The following SHISA6 variants were observed in gnomAD, a reference collection of about 807,000 sequenced individuals.
SHISA6 encodes the protein shisa family member 6, also known as protein shisa-6.
In SHISA6, 22 loss-of-function variants were observed where a neutral mutation model predicts 47.9. The observed-to-expected ratio is 0.46, with a 90% CI of 0.33 to 0.66. The LOEUF is 0.66. Ranked by LOEUF, SHISA6 falls within the 30% of genes least tolerant of loss-of-function variation. The probability of loss-of-function intolerance (pLI) is 0.02; values close to 1 mark genes in which losing one functional copy is unlikely to be tolerated. For synonymous variants in SHISA6, 388 were observed against 337.8 expected (o/e 1.15, Z -1.63); for missense variants, 680 against 764.6 (o/e 0.89, Z 1.30).
intron 3 of SHISA6, among the ~76,000 whole-genome samples, chr17:11,448,959 G>T (rs1451035484): frequency 6.6e-6 from 1 of 152,120 alleles, no homozygotes; most frequent in African/African-American, 2.4e-5. Flanking sequence ...TACTCCCTAA[G>T]TAAAAGTTTT....
At chr17:11,541,336 T>C (rs1021732080) in intron 3 of SHISA6, among the ~76,000 whole-genome samples, 4 of 152,178 alleles carry the variant, frequency 2.6e-5, no homozygotes, top group African/African-American at 9.7e-5. Context: ...AACAGCATCC[T>C]AGAGGCACCT....
chr17:11,272,799 C>G (rs111522623), intron 2 of SHISA6, among the ~76,000 whole-genome samples: 5,850 of 152,236 alleles, frequency 0.038, 297 homozygotes, highest in African/African-American at 0.12. Flanking sequence ...GGTCATATGG[C>G]AGAGTCACGA....
At chr17:11,371,809 AAC>A (rs1912638836) in intron 2 of SHISA6, among the ~76,000 whole-genome samples, 1 of 152,180 alleles carries the variant, frequency 6.6e-6, no homozygotes, top group South Asian at 2.1e-4. Flanking sequence ...AAATTAAAAT[AAC>A]ACGTTTAGAA....
chr17:11,302,481 C>CTA (rs1228877082), intron 2 of SHISA6, among the ~76,000 whole-genome samples: 1 of 152,166 alleles, frequency 6.6e-6, no homozygotes, highest in Non-Finnish European at 1.5e-5. Context: ...ACGTGGTCAC[C>CTA]TATGCATCTG....
chr17:11,337,147 A>T (rs1417942853), intron 2 of SHISA6, among the ~76,000 whole-genome samples: 1 of 152,200 alleles, frequency 6.6e-6, no homozygotes, highest in East Asian at 1.9e-4. Context: ...CCAACAGCAG[A>T]GTCTGAGACA....
Position 11,465,796 on chromosome 17 carries a change from T to C in SHISA6, c.896-86100T>C, listed in dbSNP as rs537883432. On this transcript the variant is annotated intron_variant, in intron 3 of 5. Transcript: ENST00000441885. ...TTGCAGTGCCCTTGAGAAGGACACA[T>C]GGTTTGCACAACTGCATCTGTCCCG... Among the ~76,000 whole-genome samples, 378 of 152,272 alleles carry C rather than the reference T, an allele frequency of 2.5e-3. 6 individuals are homozygous for C. Among genetic ancestry groups the C allele is most frequent in the Non-Finnish European group, 3.7e-4 (25 of 68,014 alleles).
At chr17:11,526,902 T>TATATATATATATATATATAC (rs2071689420) in intron 3 of SHISA6, among the ~76,000 whole-genome samples, 1 of 20,088 alleles carries the variant, frequency 5.0e-5, no homozygotes, top group African/African-American at 2.2e-4. Flanking sequence ...TATATATATA[T>TATATATATATATATATATAC]ATATATATAT....
intron 3 of SHISA6, among the ~76,000 whole-genome samples, chr17:11,543,253 A>T (rs1471542016): frequency 6.6e-6 from 1 of 152,166 alleles, no homozygotes; most frequent in Non-Finnish European, 1.5e-5. Context: ...TAATGTATGT[A>T]TACATATATA....
At chr17:11,406,431 C>T (rs764887645) in intron 3 of SHISA6, among the ~76,000 whole-genome samples, 3 of 152,226 alleles carry the variant, frequency 2.0e-5, no homozygotes, top group Non-Finnish European at 2.9e-5. Flanking sequence ...ACTCACCCTG[C>T]GAAATGGCTG....
At chr17:11,377,808 G>A (rs1251700559) in intron 2 of SHISA6, among the ~76,000 whole-genome samples, 2 of 152,310 alleles carry the variant, frequency 1.3e-5, no homozygotes, top group African/African-American at 4.8e-5. Flanking sequence ...TCACTAGAGA[G>A]TGCTTTAAAA....
At chr17:11,465,856 C>G (rs1237302171) in intron 3 of SHISA6, among the ~76,000 whole-genome samples, 1 of 152,182 alleles carries the variant, frequency 6.6e-6, no homozygotes, top group Non-Finnish European at 1.5e-5. Flanking sequence ...AGGCCTATCT[C>G]CCCGGCTCTG....
intron 2 of SHISA6, among the ~76,000 whole-genome samples, chr17:11,277,280 T>TCTCTCTCTCTCTCTCTCACA (rs1386997909): frequency 3.0e-4 from 16 of 53,910 alleles, no homozygotes; most frequent in East Asian, 1.8e-3. Context: ...TCTCTCTCTC[T>TCTCTCTCTCTCTCTCTCACA]CACACACACA....
chr17:11,311,755 T>A (rs577017345), intron 2 of SHISA6, among the ~76,000 whole-genome samples: 11 of 152,206 alleles, frequency 7.2e-5, no homozygotes, highest in African/African-American at 2.6e-4. Context: ...TAGCTAGATA[T>A]TTAGATTTCT....
At chr17:11,321,233 T>C (rs1358981568) in intron 2 of SHISA6, among the ~76,000 whole-genome samples, 1 of 152,202 alleles carries the variant, frequency 6.6e-6, no homozygotes, top group Non-Finnish European at 1.5e-5. Context: ...TAGCTATATG[T>C]ATCGTATGTA....
intron 2 of SHISA6, among the ~76,000 whole-genome samples, chr17:11,342,035 T>A (rs1287184615): frequency 6.6e-6 from 1 of 152,024 alleles, no homozygotes; most frequent in African/African-American, 2.4e-5. Flanking sequence ...CAGTCTATCT[T>A]GTCTCTCTGG....
chr17:11,437,342 A>G (rs1914968338), intron 3 of SHISA6, among the ~76,000 whole-genome samples: 1 of 152,218 alleles, frequency 6.6e-6, no homozygotes, highest in Non-Finnish European at 1.5e-5. Context: ...AGGCATAAAC[A>G]GGAAATAAAC....
At chr17:11,252,829 A>G (rs1351824475) in intron 1 of SHISA6, among the ~76,000 whole-genome samples, 2 of 152,208 alleles carry the variant, frequency 1.3e-5, no homozygotes, top group African/African-American at 4.8e-5. Context: ...TTGGGGAAGA[A>G]TCTGGATTCC....
chr17:11,327,429 G>A (rs991931462), intron 2 of SHISA6, among the ~76,000 whole-genome samples: 5 of 152,290 alleles, frequency 3.3e-5, no homozygotes, highest in Admixed American at 6.5e-5. Context: ...GCTTAGAGAC[G>A]CCTTAGGACC....
At chr17:11,531,064 G>A (rs140479806) in intron 3 of SHISA6, among the ~76,000 whole-genome samples, 6 of 152,260 alleles carry the variant, frequency 3.9e-5, no homozygotes, top group Non-Finnish European at 5.9e-5. Context: ...ATGCCACCAA[G>A]ACAAGGTCAA....
Sources: gnomAD v4.1 joint callset for allele counts (sites outside exome capture counted in the v4.1 genomes callset) on GRCh38, gnomAD v4.1.1 for gene constraint, MANE v1.5 for transcripts, NCBI Gene and HGNC (gene_info 2026-07-23, HGNC 2026-07-21) for gene names.